THSD7B: variants seen among roughly 807,000 people sequenced by gnomAD.
The protein encoded by THSD7B is thrombospondin type 1 domain containing 7B.
THSD7B carries 138 observed loss-of-function variants against 213.6 expected under a neutral mutation model. That is an observed-to-expected ratio of 0.65 (90% CI 0.56 to 0.74). THSD7B has a LOEUF of 0.74. Among genes scored for constraint, THSD7B ranks in the 30% least tolerant of loss-of-function variants. The pLI is 0.00. For synonymous variants in THSD7B, 742 were observed against 687.0 expected (o/e 1.08, Z -1.25); for missense variants, 1,931 against 1,991.5 (o/e 0.97, Z 0.58).
At chr2:137,204,248 TA>T (rs1680937250) in intron 7 of THSD7B, among the ~76,000 whole-genome samples, 1 of 151,284 alleles carries the variant, frequency 6.6e-6, no homozygotes, top group African/African-American at 2.4e-5. Context: ...AACATTGCTA[TA>T]AAGTAAGAAA....
chr2:137,572,321 C>G (rs1345758575), intron 16 of THSD7B, 85 bp from the exon 17 acceptor site: 4 of 1,452,422 alleles, frequency 2.8e-6, no homozygotes, highest in Non-Finnish European at 3.8e-6. Context: ...TAACTATCGT[C>G]AGTTACTATG....
At chr2:136,958,813 A>G (rs1685168817) in intron 2 of THSD7B, among the ~76,000 whole-genome samples, 1 of 152,176 alleles carries the variant, frequency 6.6e-6, no homozygotes, top group African/African-American at 2.4e-5. Context: ...AGACCAAGCA[A>G]TCTAATAGTC....
intron 1 of THSD7B, among the ~76,000 whole-genome samples, chr2:136,840,760 T>C (rs902441576): frequency 6.6e-6 from 1 of 152,048 alleles, no homozygotes; most frequent in Non-Finnish European, 1.5e-5. Flanking sequence ...GGATGGTATA[T>C]GGAGAAGTGA....
chr2:136,972,915 C>T (rs1299284579), intron 2 of THSD7B, among the ~76,000 whole-genome samples: 1 of 152,082 alleles, frequency 6.6e-6, no homozygotes, highest in East Asian at 1.9e-4. Context: ...CTAGTGAATA[C>T]CAAAGTTTGA....
chr2:137,284,933 G>A (rs1258924134), intron 12 of THSD7B, among the ~76,000 whole-genome samples: 1 of 152,136 alleles, frequency 6.6e-6, no homozygotes, highest in Non-Finnish European at 1.5e-5. Flanking sequence ...GTGCAGAGCT[G>A]AGTTTAATTC....
intron 20 of THSD7B, among the ~76,000 whole-genome samples, chr2:137,631,482 G>T (rs1477124932): frequency 6.6e-6 from 1 of 152,032 alleles, no homozygotes. Context: ...CCTACTTCTT[G>T]TGTTTCCCAG....
At chr2:137,416,362 C>T (rs77725330) in intron 14 of THSD7B, among the ~76,000 whole-genome samples, 201 of 152,340 alleles carry the variant, frequency 1.3e-3, no homozygotes, top group Middle Eastern at 3.4e-3. Context: ...GCCCTTTTTC[C>T]TCCTGTCATG....
At chr2:137,301,541 T>G (rs755758234) in intron 12 of THSD7B, among the ~76,000 whole-genome samples, 2 of 152,054 alleles carry the variant, frequency 1.3e-5, no homozygotes, top group Non-Finnish European at 2.9e-5. Context: ...GGACAGAGAA[T>G]GCAGGAATGA....
chr2:137,128,405 A>G (rs1282757244), intron 5 of THSD7B, among the ~76,000 whole-genome samples: 1 of 152,202 alleles, frequency 6.6e-6, no homozygotes, highest in Non-Finnish European at 1.5e-5. Flanking sequence ...ATCAACAACC[A>G]TTGTGACACA....
chr2:137,166,126 A>T (rs1372770921), intron 6 of THSD7B, among the ~76,000 whole-genome samples: 2 of 152,164 alleles, frequency 1.3e-5, no homozygotes, highest in Non-Finnish European at 2.9e-5. Flanking sequence ...TTAGAAAATC[A>T]GCCAGTGTTC....
chr2:136,874,450 C>G lies in THSD7B; in HGVS notation c.-35-7694C>G, dbSNP rs567032503. Among the ~76,000 whole-genome samples the G allele has an allele frequency of 1.6e-4, 25 of 152,328 alleles. No homozygotes were observed. The East Asian group carries it at 2.3e-3, about 14-fold the overall frequency. On this transcript the variant is annotated intron_variant, in intron 1 of 27. Transcript: ENST00000409968. ...TGATCGGCCATCTTTATTGAGCCAT[C>G]TTCTCTGCACAGTTACCATGAGATG...
chr2:137,226,828 G>A (rs1024886167), intron 7 of THSD7B, among the ~76,000 whole-genome samples: 1 of 151,926 alleles, frequency 6.6e-6, no homozygotes, highest in African/African-American at 2.4e-5. Context: ...CCAAAATATG[G>A]GAACAGCCCA....
chr2:137,240,570 G>A (rs534736121), intron 9 of THSD7B, among the ~76,000 whole-genome samples: 3 of 152,026 alleles, frequency 2.0e-5, no homozygotes, highest in Non-Finnish European at 2.9e-5. Context: ...GAGTGCAGGG[G>A]TATGATCATA....
At chr2:137,234,547 G>A (rs952451426) in intron 9 of THSD7B, among the ~76,000 whole-genome samples, 8 of 152,110 alleles carry the variant, frequency 5.3e-5, no homozygotes, top group African/African-American at 1.4e-4. Context: ...TTTGCAAGTC[G>A]TACTGTGACT....
At chr2:137,214,134 C>A (rs1353760043) in intron 7 of THSD7B, among the ~76,000 whole-genome samples, 1 of 152,046 alleles carries the variant, frequency 6.6e-6, no homozygotes, top group Non-Finnish European at 1.5e-5. Context: ...ATAACTCGTT[C>A]ATTTTTGTGT....
chr2:137,640,832 A>G (rs1260751646), intron 20 of THSD7B, among the ~76,000 whole-genome samples: 1 of 152,224 alleles, frequency 6.6e-6, no homozygotes, highest in African/African-American at 2.4e-5. Context: ...TTAAACATAT[A>G]GTCCACTTAC....
At chr2:137,284,993 A>G (rs183305592) in intron 12 of THSD7B, among the ~76,000 whole-genome samples, 1 of 152,084 alleles carries the variant, frequency 6.6e-6, no homozygotes, top group Non-Finnish European at 1.5e-5. Context: ...TAATGTTGAC[A>G]GTGGGGTGTT....
chr2:136,795,106 A>G (rs1057262539), intron 1 of THSD7B, among the ~76,000 whole-genome samples: 3 of 151,978 alleles, frequency 2.0e-5, no homozygotes, highest in Non-Finnish European at 2.9e-5. Context: ...TGATGCGACA[A>G]ACTGTCATAG....
rs753551945 is a variant in THSD7B at position 137,232,996 on chromosome 2, C to A, written c.2013C>A (p.Gly671=). The A allele has an allele frequency of 1.4e-5, 22 of 1,613,818 alleles. No individual in the cohort carries two copies. The highest frequency in any genetic ancestry group is 1.9e-5 in the Non-Finnish European group (22 of 1,179,844). The change falls in exon 9 of 28, where the codon GGC becomes GGA. Residue 671 remains glycine, a synonymous_variant. Coordinates refer to ENST00000409968, the MANE Select transcript of THSD7B (RefSeq NM_001316349.2). Reference sequence around the variant, plus strand: ...TTCACTGGGAGACATCGCCTTGGGGCCCTTGTTCTGAGGACACATTGGTAA... The same window carrying A: ...TTCACTGGGAGACATCGCCTTGGGGACCTTGTTCTGAGGACACATTGGTAA... ...MQLHWETSPW[G]PCSEDTLVTA... is the part of the protein sequence containing the mutation.
Sources: gnomAD v4.1 joint callset for allele counts (sites outside exome capture counted in the v4.1 genomes callset) on GRCh38, gnomAD v4.1.1 for gene constraint, MANE v1.5 for transcripts, NCBI Gene and HGNC (gene_info 2026-07-23, HGNC 2026-07-21) for gene names.